Variants in PCDHA4 observed in about 807,000 individuals in gnomAD.
PCDHA4 encodes protocadherin alpha 4.
A neutral mutation model predicts 61.4 loss-of-function variants in PCDHA4; 49 were observed. The observed-to-expected ratio is 0.80, with a 90% CI of 0.63 to 1.01. PCDHA4 has a LOEUF of 1.01. Ranked by LOEUF, PCDHA4 falls within the 50% of genes least tolerant of loss-of-function variation. The pLI is 0.00. For missense variants in PCDHA4, 1,254 were observed against 1,235.8 expected (o/e 1.01, Z -0.22); for synonymous variants, 590 against 550.3 (o/e 1.07, Z -1.01).
intron 1 of PCDHA4, among the ~76,000 whole-genome samples, chr5:140,946,691 G>A (rs782114019): frequency 3.4e-5 from 5 of 147,578 alleles, no homozygotes; most frequent in African/African-American, 5.1e-5. Context: ...TGACAATATG[G>A]ATGAATCTGG....
intron 1 of PCDHA4, among the ~76,000 whole-genome samples, chr5:140,934,475 A>G (rs1554209923): frequency 6.6e-6 from 1 of 152,172 alleles, no homozygotes; most frequent in African/African-American, 2.4e-5. Context: ...ATTATTTTGA[A>G]AATTATATTC....
rs1411970319 is a variant in PCDHA4, at chr5:140,927,470, G to A, written c.2386-51479G>A. The A allele has an allele frequency of 4.3e-6, 7 of 1,614,054 alleles. 1 individual carries two copies. The highest frequency in any genetic ancestry group is 3.3e-5 in the South Asian group (3 of 91,088). ...TTGGTGTTGGAGAAAGCACTGGATC[G>A]CGAACAGCGCGCCACCCACCTGCTG... On this transcript the variant is annotated intron_variant, in intron 1 of 3. Transcript: ENST00000530339.
chr5:140,841,492 G>A (rs2150316650), intron 1 of PCDHA4: 4 of 1,613,200 alleles, frequency 2.5e-6, no homozygotes, highest in Middle Eastern at 1.8e-4. Context: ...TGGAGCTGGC[G>A]GAGCTGGTGC....
intron 1 of PCDHA4, among the ~76,000 whole-genome samples, chr5:140,975,246 G>T (rs1304794782): frequency 6.6e-6 from 1 of 152,136 alleles, no homozygotes; most frequent in Non-Finnish European, 1.5e-5. Context: ...TCCCTCTTAT[G>T]CTTCAGATCT....
At chr5:140,932,538 T>C (rs538830618) in intron 1 of PCDHA4, among the ~76,000 whole-genome samples, 1 of 152,036 alleles carries the variant, frequency 6.6e-6, no homozygotes, top group South Asian at 2.1e-4. Context: ...CAAGGTGCTT[T>C]ATTTAACATA....
intron 1 of PCDHA4, chr5:140,966,646 G>A: frequency 1.8e-6 from 2 of 1,139,684 alleles, no homozygotes; most frequent in Non-Finnish European, 2.3e-6. Flanking sequence ...TTTCTAGAGC[G>A]TGAGCGGTGG....
chr5:140,927,272 G>A lies in PCDHA4; in HGVS notation c.2386-51677G>A, dbSNP rs782403423. 3.7e-6 allele frequency: 6 copies of A among 1,613,966 alleles called. No homozygotes were observed. Among genetic ancestry groups the A allele is most frequent in the African/African-American group, 1.3e-5 (1 of 74,910 alleles). ...GACAACTCACCTCTCTTTCCTGCCG[G>A]CGACGTGCAGCTGCACATCCCCGAG... On this transcript the variant is annotated intron_variant, in intron 1 of 3. Transcript: ENST00000530339.
rs2042132176 is a variant in PCDHA4, at chr5:140,851,700, G to A, written c.2385+42128G>A. On this transcript the variant is annotated intron_variant, in intron 1 of 3. Transcript: ENST00000530339. ...TCTCCATTCAGTGATAAAATGATCA[G>A]CCATGTGAAGATTCGAAACTTCGAG... 4.2e-6 allele frequency: 4 copies of A among 943,922 alleles called. 1 individual carries two copies. Among genetic ancestry groups the A allele is most frequent in the Admixed American group, 1.3e-4 (2 of 15,858 alleles). The allele number at this position is 943,922 out of a possible 1,614,324, so 58.5% of individuals were successfully genotyped here. A position where few individuals can be genotyped will look rare whatever the true frequency, so the allele number is the denominator to read the frequency against.
intron 1 of PCDHA4, chr5:140,835,552 C>A (rs550090383): frequency 6.2e-7 from 1 of 1,613,824 alleles, no homozygotes; most frequent in Non-Finnish European, 8.5e-7. Flanking sequence ...TGCTCCCTGA[C>A]GCCCCGCGTT....
At chr5:140,834,413 G>C in intron 1 of PCDHA4, 3 of 1,611,242 alleles carry the variant, frequency 1.9e-6, no homozygotes, top group Non-Finnish European at 2.5e-6. Context: ...ACGACCCAGG[G>C]GGCCGACATC....
chr5:140,809,329 G>A lies in PCDHA4; in HGVS notation c.2142G>A (p.Thr714=), dbSNP rs1764429896. The change falls in exon 1 of 4, where the codon ACG becomes ACA. Residue 714 remains threonine (T), a synonymous_variant. Transcript: ENST00000530339. ...CGGTGTCCAGCCTTTTGGTGCTCAC[G>A]CTGCTGCTGTACACCGCGCTGCGGT... ...ICAVSSLLVL[T]LLLYTALRCS... 1 of 1,614,110 alleles carries A rather than the reference G, an allele frequency of 6.2e-7. No individual in the cohort carries two copies.
chr5:140,850,957 C>T (rs2150503952), intron 1 of PCDHA4: 2 of 1,481,512 alleles, frequency 1.3e-6, no homozygotes, highest in Non-Finnish European at 9.0e-7. Context: ...CGATTACTCC[C>T]AGGGGCCGTT....
chr5:140,884,335 A>G, intron 1 of PCDHA4: 1 of 1,613,888 alleles, frequency 6.2e-7, no homozygotes, highest in Non-Finnish European at 8.5e-7. Flanking sequence ...CTGTGGGTCC[A>G]GAAGCGGCGC....
intron 1 of PCDHA4, chr5:140,836,377 T>C (rs2150259122): frequency 1.2e-6 from 2 of 1,613,612 alleles, no homozygotes; most frequent in Non-Finnish European, 1.7e-6. Context: ...ACAGCCACCG[T>C]GCTGGTGTCG....
At chr5:140,869,850 G>A in intron 1 of PCDHA4, 1 of 1,610,774 alleles carries the variant, frequency 6.2e-7, no homozygotes, top group South Asian at 1.1e-5. Flanking sequence ...AATATAAGGT[G>A]AGCCTTATGG....
chr5:140,822,359 T>G (rs2150115759), intron 1 of PCDHA4: 1 of 1,614,160 alleles, frequency 6.2e-7, no homozygotes, highest in Non-Finnish European at 8.5e-7. Flanking sequence ...GAGCTGGTTT[T>G]GAGGAAATCC....
Position 140,824,208 on chromosome 5 carries a change from T to A in PCDHA4, c.2385+14636T>A, listed in dbSNP as rs1554129802. ...GTCACATTCACCCACTTTTTTTGTA[T>A]TTAAAAATTATGTCTTAGTACACAA... On this transcript the variant is annotated intron_variant, in intron 1 of 3. Transcript: ENST00000530339. 4 of 1,587,540 alleles carry A rather than the reference T, an allele frequency of 2.5e-6. No homozygotes were observed. In the Admixed American group the frequency reaches 6.7e-5, roughly 27 times the overall value.
At chr5:140,962,348 C>T (rs2095675606) in intron 1 of PCDHA4, among the ~76,000 whole-genome samples, 1 of 152,130 alleles carries the variant, frequency 6.6e-6, no homozygotes, top group South Asian at 2.1e-4. Flanking sequence ...AGTAAAACTC[C>T]CCCCAATACT....
chr5:140,857,990 G>C lies in PCDHA4; in HGVS notation c.2385+48418G>C, dbSNP rs570220982. ...TGACTCGCCACGCCAGCGCCTACTG[G>C]TGCTGGTGAAGGACCATGGCGAGCC... On this transcript the variant is annotated intron_variant, in intron 1 of 3. Transcript: ENST00000530339. 3.7e-5 allele frequency: 59 copies of C among 1,597,202 alleles called. 9 individuals are homozygous for C. In the South Asian group the frequency reaches 5.7e-4, roughly 16 times the overall value.
Sources: allele counts gnomAD v4.1 joint callset (sites outside exome capture counted in the v4.1 genomes callset), GRCh38; gene constraint gnomAD v4.1.1; transcripts MANE v1.5; gene names NCBI Gene and HGNC (gene_info 2026-07-23, HGNC 2026-07-21).